FHOD3: variants seen among roughly 807,000 people sequenced by gnomAD.
FHOD3 encodes formin homology 2 domain containing 3.
FHOD3 carries 90 observed loss-of-function variants against 173.0 expected under a neutral mutation model. The ratio of observed to expected loss-of-function variants is 0.52; its 90% CI spans 0.44 to 0.62. The LOEUF (loss-of-function observed/expected upper bound fraction) is 0.62, where lower values mean the gene tolerates loss of function less well. Ranked by LOEUF, FHOD3 falls within the 20% of genes least tolerant of loss-of-function variation. FHOD3 has a pLI of 0.00. For missense variants in FHOD3, 1,945 were observed against 2,034.7 expected, an observed-to-expected ratio of 0.96 and a Z score of 0.85; for synonymous variants, 828 against 823.0, an observed-to-expected ratio of 1.01 and a Z score of -0.10.
intron 5 of FHOD3, among the ~76,000 whole-genome samples, chr18:36,551,488 A>G (rs939622073): frequency 2.0e-5 from 3 of 149,342 alleles, no homozygotes; most frequent in Non-Finnish European, 2.9e-5. Context: ...TAATTAATTT[A>G]ATTAATTGAT....
intron 3 of FHOD3, among the ~76,000 whole-genome samples, chr18:36,404,670 G>C (rs1410385081): frequency 6.6e-6 from 1 of 152,066 alleles, no homozygotes; most frequent in African/African-American, 2.4e-5. Flanking sequence ...TCATCAGTTC[G>C]TGCAATTCTC....
chr18:36,746,490 G>T (rs1276408511), intron 23 of FHOD3, among the ~76,000 whole-genome samples: 1 of 152,174 alleles, frequency 6.6e-6, no homozygotes, highest in Admixed American at 6.5e-5. Context: ...AGATCATCAC[G>T]AAGAGAAGCT....
At chr18:36,457,564 C>A (rs56893908) in intron 3 of FHOD3, among the ~76,000 whole-genome samples, 22,354 of 152,006 alleles carry the variant, frequency 0.15, 3,798 homozygotes, top group African/African-American at 0.41. Flanking sequence ...GGGAAAGGAG[C>A]AGCTTTTGTA....
rs561034513 is a variant in FHOD3 at position 36,325,525 on chromosome 18, C to G, written c.165+27525C>G. Reference sequence around the variant, plus strand: ...CTTTAGCACTGTGGTCTCTGAGGAGCCTGAGGACCAGGAAGCAGCAGAATA... The same window carrying G: ...CTTTAGCACTGTGGTCTCTGAGGAGGCTGAGGACCAGGAAGCAGCAGAATA... On this transcript the variant is annotated intron_variant, in intron 1 of 28. Coordinates refer to ENST00000590592, the MANE Select transcript of FHOD3 (RefSeq NM_001281740.3). 2.0e-5 allele frequency among the ~76,000 whole-genome samples: 3 copies of G among 152,232 alleles called. No individual in the cohort carries two copies. In the East Asian group the frequency reaches 5.8e-4, roughly 29 times the overall value.
chr18:36,657,249 A>T (rs1466836823), intron 13 of FHOD3, among the ~76,000 whole-genome samples: 1 of 152,194 alleles, frequency 6.6e-6, no homozygotes, highest in Non-Finnish European at 1.5e-5. Context: ...TTGCGAGGCA[A>T]AGCTCTCTGA....
intron 14 of FHOD3, among the ~76,000 whole-genome samples, chr18:36,661,836 G>A (rs370136722): frequency 3.3e-5 from 5 of 152,216 alleles, no homozygotes; most frequent in African/African-American, 1.2e-4. Flanking sequence ...TTTGTTAATA[G>A]GGCTCTCTTT....
chr18:36,527,498 G>A (rs893962550), intron 5 of FHOD3, among the ~76,000 whole-genome samples: 5 of 152,176 alleles, frequency 3.3e-5, no homozygotes, highest in African/African-American at 1.2e-4. Context: ...GTATGACCGG[G>A]CAGCAAGACA....
intron 3 of FHOD3, among the ~76,000 whole-genome samples, chr18:36,474,263 A>G (rs2053438320): frequency 6.6e-6 from 1 of 152,154 alleles, no homozygotes; most frequent in Non-Finnish European, 1.5e-5. Context: ...CTCCTCCACC[A>G]CGTGCACAGG....
chr18:36,602,775 T>A lies in FHOD3; in HGVS notation c.813+7T>A. The A allele has an allele frequency of 6.2e-7, 1 of 1,607,386 alleles. No homozygotes were observed. Among genetic ancestry groups the A allele is most frequent in the Non-Finnish European group, 8.5e-7 (1 of 1,173,796 alleles). Reference sequence around the variant, plus strand: ...AATGACTTTGGTGAACAAGGTTGGTTGACTATGTTATGGGTTGAATTGCGT... The same window carrying A: ...AATGACTTTGGTGAACAAGGTTGGTAGACTATGTTATGGGTTGAATTGCGT... On this transcript the variant is annotated splice_region_variant and intron_variant, in intron 8 of 28. Transcript: ENST00000590592.
intron 14 of FHOD3, among the ~76,000 whole-genome samples, chr18:36,658,476 T>G (rs2036568824): frequency 6.6e-6 from 1 of 152,226 alleles, no homozygotes; most frequent in Non-Finnish European, 1.5e-5. Context: ...TTTGATTCAT[T>G]CCTTAAAAAC....
chr18:36,588,596 G>C (rs1037510580), intron 6 of FHOD3, among the ~76,000 whole-genome samples: 11 of 152,150 alleles, frequency 7.2e-5, no homozygotes, highest in African/African-American at 7.2e-5. Context: ...ATTTTTAGAA[G>C]AGAAATTAGG....
At chr18:36,699,261 A>G (rs1319544758) in intron 17 of FHOD3, among the ~76,000 whole-genome samples, 2 of 152,246 alleles carry the variant, frequency 1.3e-5, no homozygotes. Flanking sequence ...AAAAAATTCA[A>G]GTTTTGAACA....
chr18:36,772,380 G>T (rs958654792), intron 28 of FHOD3, among the ~76,000 whole-genome samples: 1 of 152,250 alleles, frequency 6.6e-6, no homozygotes, highest in Non-Finnish European at 1.5e-5. Context: ...AAGTTTAGTG[G>T]TTTGGGCCTC....
chr18:36,389,876 G>A (rs1406789675), intron 3 of FHOD3, among the ~76,000 whole-genome samples: 1 of 152,090 alleles, frequency 6.6e-6, no homozygotes, highest in African/African-American at 2.4e-5. Context: ...TTCAATGAGT[G>A]TCCTATTCTG....
At chr18:36,735,097 C>T (rs889514979) in intron 20 of FHOD3, among the ~76,000 whole-genome samples, 2 of 151,994 alleles carry the variant, frequency 1.3e-5, no homozygotes, top group African/African-American at 4.8e-5. Flanking sequence ...ATTTTCTTTT[C>T]CTTTCTTCTC....
At chr18:36,610,170 C>T (rs2032527094) in intron 8 of FHOD3, among the ~76,000 whole-genome samples, 1 of 152,318 alleles carries the variant, frequency 6.6e-6, no homozygotes, top group African/African-American at 2.4e-5. Flanking sequence ...AGTTTTAATT[C>T]TGATGCTAGA....
At chr18:36,774,391 G>A (rs2043534109) in intron 28 of FHOD3, among the ~76,000 whole-genome samples, 1 of 152,208 alleles carries the variant, frequency 6.6e-6, no homozygotes, top group Non-Finnish European at 1.5e-5. Context: ...GGGTTAGATG[G>A]AACTAGGAGA....
At chr18:36,705,667 C>T (rs753437827) in intron 17 of FHOD3, among the ~76,000 whole-genome samples, 5 of 152,096 alleles carry the variant, frequency 3.3e-5, no homozygotes, top group Admixed American at 6.5e-5. Flanking sequence ...TCTCATGGGT[C>T]GCTGTGTCTG....
chr18:36,432,261 T>C (rs539129288), intron 3 of FHOD3, among the ~76,000 whole-genome samples: 1 of 152,348 alleles, frequency 6.6e-6, no homozygotes, highest in South Asian at 2.1e-4. Context: ...GTCCACAGAA[T>C]GCCAGCTGGA....
Sources: allele counts gnomAD v4.1 joint callset (sites outside exome capture counted in the v4.1 genomes callset), GRCh38; gene constraint gnomAD v4.1.1; transcripts MANE v1.5; gene names NCBI Gene and HGNC (gene_info 2026-07-23, HGNC 2026-07-21).